Variants in HS3ST4 observed in about 807,000 individuals in gnomAD.
The protein encoded by HS3ST4 is heparan sulfate glucosamine 3-O-sulfotransferase 4.
A neutral mutation model predicts 29.2 loss-of-function variants in HS3ST4; 17 were observed. That is an observed-to-expected ratio of 0.58 (90% CI 0.40 to 0.87). The LOEUF (loss-of-function observed/expected upper bound fraction) is 0.87, where lower values mean the gene tolerates loss of function less well. Among genes scored for constraint, HS3ST4 ranks in the 40% least tolerant of loss-of-function variants. HS3ST4 has a pLI of 0.00. For missense variants in HS3ST4, 627 were observed against 634.5 expected, an observed-to-expected ratio of 0.99 and a Z score of 0.13; for synonymous variants, 314 against 285.7, an observed-to-expected ratio of 1.10 and a Z score of -1.00.
At position 25,692,461 on chromosome 16, in the gene HS3ST4, C is replaced by T. The variant is rs2141576492; in HGVS notation, c.44C>T (p.Pro15Leu). ...CCTCCTCCGCCTCCGCCTCCGCCTC[C>T]ACCTCTGGCCGCGCCGCCGCCGCCC... ...PAPPPPPPPP[P>L]PLAAPPPPGA... Residue 15 changes from proline (P) to leucine (L), a missense_variant, in exon 1 of 2, where the codon CCA becomes CTA. Pro to Leu is a moderately conservative substitution (Grantham distance 98). This residue lies in a region of HS3ST4 where 402 missense variants were observed against 340.8 expected (regional missense o/e 1.18). Transcript: ENST00000331351. The T allele has an allele frequency of 3.0e-6, 4 of 1,337,424 alleles. No individual in the cohort carries two copies. The highest frequency in any genetic ancestry group is 3.9e-6 in the Non-Finnish European group (4 of 1,031,358). The allele number at this position is 1,337,424 out of a possible 1,614,324, so 82.8% of individuals were successfully genotyped here. A position where few individuals can be genotyped will look rare whatever the true frequency, so the allele number is the denominator to read the frequency against.
chr16:25,870,973 T>A (rs1288281521), intron 1 of HS3ST4, among the ~76,000 whole-genome samples: 1 of 152,308 alleles, frequency 6.6e-6, no homozygotes, highest in East Asian at 1.9e-4. Context: ...TGGACTCTAG[T>A]TGTTTAATAG....
chr16:25,938,121 A>G (rs1238414671), intron 1 of HS3ST4, among the ~76,000 whole-genome samples: 6 of 152,166 alleles, frequency 3.9e-5, no homozygotes, highest in African/African-American at 1.4e-4. Context: ...TGACCCAAAC[A>G]ACTGTATCCT....
intron 1 of HS3ST4, among the ~76,000 whole-genome samples, chr16:26,015,711 A>T (rs1179068890): frequency 6.6e-6 from 1 of 152,208 alleles, no homozygotes; most frequent in Non-Finnish European, 1.5e-5. Flanking sequence ...TGAGGGTCCA[A>T]GCACAAATTC....
chr16:26,121,363 T>C (rs183413733), intron 1 of HS3ST4, among the ~76,000 whole-genome samples: 358 of 152,132 alleles, frequency 2.4e-3, no homozygotes, highest in African/African-American at 8.3e-3. Context: ...TGGAACAAAG[T>C]AAAGGGTGTT....
intron 1 of HS3ST4, among the ~76,000 whole-genome samples, chr16:25,922,128 G>T (rs541641819): frequency 1.2e-3 from 188 of 152,206 alleles, no homozygotes; most frequent in African/African-American, 4.3e-3. Flanking sequence ...TCTTCCTACT[G>T]CCTTCTCTGT....
At chr16:25,702,234 A>T (rs573328015) in intron 1 of HS3ST4, among the ~76,000 whole-genome samples, 12 of 152,238 alleles carry the variant, frequency 7.9e-5, no homozygotes, top group Non-Finnish European at 1.5e-4. Flanking sequence ...AAGATTACCA[A>T]TCCTCCTATG....
At chr16:25,734,767 A>G (rs371647547) in intron 1 of HS3ST4, among the ~76,000 whole-genome samples, 2 of 152,194 alleles carry the variant, frequency 1.3e-5, no homozygotes, top group African/African-American at 4.8e-5. Context: ...ATTCCAACAG[A>G]AGCCTTTGAG....
chr16:26,113,307 G>A (rs1215599532), intron 1 of HS3ST4, among the ~76,000 whole-genome samples: 1 of 151,970 alleles, frequency 6.6e-6, no homozygotes, highest in African/African-American at 2.4e-5. Flanking sequence ...TTAGCTGGGT[G>A]TAGCGGCGGG....
intron 1 of HS3ST4, among the ~76,000 whole-genome samples, chr16:26,113,160 C>T (rs1163082947): frequency 6.6e-6 from 1 of 152,120 alleles, no homozygotes; most frequent in Admixed American, 6.5e-5. Flanking sequence ...TTTAAATTTA[C>T]AGAAGACTAA....
At chr16:25,902,629 G>C (rs535574858) in intron 1 of HS3ST4, among the ~76,000 whole-genome samples, 2 of 152,178 alleles carry the variant, frequency 1.3e-5, no homozygotes, top group African/African-American at 4.8e-5. Flanking sequence ...TGGGAGATGA[G>C]TGAAGAGGGT....
At chr16:25,716,064 C>T (rs112716655) in intron 1 of HS3ST4, among the ~76,000 whole-genome samples, 10,456 of 152,246 alleles carry the variant, frequency 0.069, 402 homozygotes, top group Middle Eastern at 0.1. Flanking sequence ...AGGGTCACAT[C>T]TGGTGTGGCG....
At chr16:25,997,778 G>A (rs1969170066) in intron 1 of HS3ST4, among the ~76,000 whole-genome samples, 1 of 152,114 alleles carries the variant, frequency 6.6e-6, no homozygotes, top group Non-Finnish European at 1.5e-5. Flanking sequence ...CCCATGCTCT[G>A]GCTGATTTTG....
intron 1 of HS3ST4, among the ~76,000 whole-genome samples, chr16:25,805,211 A>C (rs1051946565): frequency 6.6e-6 from 1 of 152,192 alleles, no homozygotes; most frequent in South Asian, 2.1e-4. Flanking sequence ...CAAGCCACAG[A>C]TACACTTGAG....
In HS3ST4 at chr16:25,692,810, C is replaced by A. The variant is rs758398544; in HGVS notation, c.393C>A (p.Gly131=). Residue 131 remains glycine (G), a synonymous_variant, in exon 1 of 2, where the codon GGC becomes GGA. Transcript: ENST00000331351. ...CCGACGGCTGGGGGCTGCCGAGCGGCGGCGGAGGCGCCCAGGACGCCTGGC... is the reference window on the plus strand; with the variant it reads ...CCGACGGCTGGGGGCTGCCGAGCGGAGGCGGAGGCGCCCAGGACGCCTGGC... The part of the protein sequence containing the change: ...PGTDGWGLPS[G]GGGAQDAWLR... The A allele has an allele frequency of 3.6e-6, 5 of 1,383,306 alleles. No individual in the cohort carries two copies. In the East Asian group the frequency reaches 1.5e-4, roughly 42 times the overall value. 85.7% of individuals were successfully genotyped at this position (1,383,306 alleles called of 1,614,324 possible).
chr16:25,939,873 G>A (rs764619403), intron 1 of HS3ST4, among the ~76,000 whole-genome samples: 4 of 152,164 alleles, frequency 2.6e-5, no homozygotes, highest in Admixed American at 2.0e-4. Context: ...AATATTTAAC[G>A]TGACTTTTCA....
chr16:25,989,484 C>T (rs1234381882), intron 1 of HS3ST4, among the ~76,000 whole-genome samples: 1 of 152,162 alleles, frequency 6.6e-6, no homozygotes. Flanking sequence ...GCATGGTTGC[C>T]TCGTTTGGTC....
At chr16:25,985,646 CTTAT>C (rs902202569) in intron 1 of HS3ST4, among the ~76,000 whole-genome samples, 2 of 151,866 alleles carry the variant, frequency 1.3e-5, no homozygotes, top group Non-Finnish European at 2.9e-5. Context: ...TTACTTATTA[CTTAT>C]TTTTTATTTT....
At chr16:25,866,476 TA>T (rs771101381) in intron 1 of HS3ST4, among the ~76,000 whole-genome samples, 5 of 151,982 alleles carry the variant, frequency 3.3e-5, no homozygotes, top group Non-Finnish European at 5.9e-5. Context: ...TATGCAGCCA[TA>T]AAAAAGGATG....
chr16:26,068,937 A>G (rs1027306887), intron 1 of HS3ST4, among the ~76,000 whole-genome samples: 6 of 152,110 alleles, frequency 3.9e-5, no homozygotes, highest in Admixed American at 1.3e-4. Flanking sequence ...CACTTCTGCC[A>G]ATATCTATAT....
Sources: gnomAD v4.1 joint callset for allele counts (sites outside exome capture counted in the v4.1 genomes callset) on GRCh38, gnomAD v4.1.1 for gene constraint, gnomAD v4.1.1 regional missense constraint, MANE v1.5 for transcripts, NCBI Gene and HGNC (gene_info 2026-07-23, HGNC 2026-07-21) for gene names.